The following SYNE2 variants were observed in gnomAD, a reference collection of about 807,000 sequenced individuals.
SYNE2 encodes nesprin-2.
Under a neutral mutation model 856.3 loss-of-function variants are expected in SYNE2, and 431 were observed. That is an observed-to-expected ratio of 0.50 (90% CI 0.47 to 0.55). The LOEUF is 0.55. SYNE2 is among the 20% of genes least tolerant of loss of function. The pLI, the probability that SYNE2 is intolerant of heterozygous loss-of-function variation, is 0.00. For synonymous variants in SYNE2, 2,923 were observed against 2,872.3 expected, an observed-to-expected ratio of 1.02 and a Z score of -0.56; for missense variants, 8,129 against 8,023.2, an observed-to-expected ratio of 1.01 and a Z score of -0.50.
At chr14:63,954,423 T>C (rs1365883104) in intron 7 of SYNE2, among the ~76,000 whole-genome samples, 1 of 152,244 alleles carries the variant, frequency 6.6e-6, no homozygotes, top group African/African-American at 2.4e-5. Context: ...CTCCAGAGTT[T>C]GATTCAGTAG....
intron 45 of SYNE2, among the ~76,000 whole-genome samples, chr14:64,047,193 G>T (rs1274077188): frequency 1.3e-5 from 2 of 152,214 alleles, no homozygotes; most frequent in African/African-American, 4.8e-5. Context: ...GAAGCTGGAG[G>T]GGGGATGGGA....
intron 1 of SYNE2, among the ~76,000 whole-genome samples, chr14:63,839,432 C>G (rs1194082723): frequency 6.6e-6 from 1 of 152,166 alleles, no homozygotes; most frequent in Non-Finnish European, 1.5e-5. Context: ...TTACCACCCC[C>G]CACGCCCATT....
chr14:64,222,757 T>G (rs931839142), intron 112 of SYNE2, among the ~76,000 whole-genome samples: 15 of 152,108 alleles, frequency 9.9e-5, no homozygotes, highest in African/African-American at 3.1e-4. Context: ...GCCACATGTG[T>G]CTAGTGGCCA....
chr14:63,984,037 T>C, intron 18 of SYNE2, 151 bp downstream of exon 18: 1 of 597,128 alleles, frequency 1.7e-6, no homozygotes, highest in Admixed American at 3.1e-5. Flanking sequence ...AACTCAGGAG[T>C]TCGAAATCAG....
intron 73 of SYNE2, among the ~76,000 whole-genome samples, chr14:64,127,803 A>G (rs1230749162): frequency 6.6e-6 from 1 of 152,222 alleles, no homozygotes; most frequent in Non-Finnish European, 1.5e-5. Context: ...GAATCCAAGT[A>G]AAACAGACAC....
chr14:64,060,746 G>A (rs1052481632), intron 49 of SYNE2, among the ~76,000 whole-genome samples: 1 of 152,064 alleles, frequency 6.6e-6, no homozygotes, highest in African/African-American at 2.4e-5. Context: ...CTGTGGTCTC[G>A]ACAACCTTTC....
chr14:63,830,086 T>A (rs1889612512), intron 1 of SYNE2, among the ~76,000 whole-genome samples: 1 of 152,130 alleles, frequency 6.6e-6, no homozygotes, highest in African/African-American at 2.4e-5. Flanking sequence ...TGGGTGAAAC[T>A]TGAAAACGTT....
intron 88 of SYNE2, among the ~76,000 whole-genome samples, chr14:64,163,140 A>C (rs1201862004): frequency 6.6e-6 from 1 of 152,220 alleles, no homozygotes; most frequent in Non-Finnish European, 1.5e-5. Flanking sequence ...GGTTGTCTCC[A>C]GTTTCTATAC....
At chr14:64,179,340 C>T (rs933687954) in intron 96 of SYNE2, among the ~76,000 whole-genome samples, 1 of 151,974 alleles carries the variant, frequency 6.6e-6, no homozygotes, top group Non-Finnish European at 1.5e-5. Flanking sequence ...TGTTTCGCCA[C>T]GTTGGCCAGG....
chr14:64,177,570 A>C (rs2098440697), intron 96 of SYNE2, 87 bp downstream of exon 96: 1 of 1,542,238 alleles, frequency 6.5e-7, no homozygotes, highest in Non-Finnish European at 9.0e-7. Context: ...TTCTGTATTG[A>C]AACTGAGTTT....
intron 1 of SYNE2, among the ~76,000 whole-genome samples, chr14:63,771,792 G>T (rs1361748162): frequency 6.6e-6 from 1 of 152,108 alleles, no homozygotes; most frequent in Non-Finnish European, 1.5e-5. Flanking sequence ...AGCTATTCAG[G>T]GGGCTGAGGC....
At chr14:64,048,292 C>T in intron 46 of SYNE2, 137 bp downstream of exon 46, 1 of 758,356 alleles carries the variant, frequency 1.3e-6, no homozygotes, top group Non-Finnish European at 2.1e-6. Flanking sequence ...AATTTGGTAA[C>T]TGTATAATTA....
chr14:64,224,764 C>T (rs929496541), intron 114 of SYNE2, among the ~76,000 whole-genome samples: 1 of 152,068 alleles, frequency 6.6e-6, no homozygotes, highest in African/African-American at 2.4e-5. Flanking sequence ...AAAGGGGTTC[C>T]CTGATTTTGC....
intron 57 of SYNE2, among the ~76,000 whole-genome samples, chr14:64,087,093 T>TAAAAAAAAA (rs56917782): frequency 1.0e-4 from 10 of 98,406 alleles, no homozygotes; most frequent in South Asian, 4.3e-4. Flanking sequence ...TGATAATTGG[T>TAAAAAAAAA]AAAAAAAAAA....
chr14:64,167,996 A>C (rs760134763), intron 92 of SYNE2, among the ~76,000 whole-genome samples: 1 of 152,224 alleles, frequency 6.6e-6, no homozygotes, highest in South Asian at 2.1e-4. Flanking sequence ...CATAGTATTA[A>C]AGCACCTGGT....
chr14:64,067,099 G>A (rs2153594953), intron 51 of SYNE2, among the ~76,000 whole-genome samples: 1 of 152,136 alleles, frequency 6.6e-6, no homozygotes, highest in African/African-American at 2.4e-5. Context: ...ACAATTATGT[G>A]TTATTAATTC....
chr14:63,821,951 G>A (rs1047085295), intron 1 of SYNE2, among the ~76,000 whole-genome samples: 2 of 152,162 alleles, frequency 1.3e-5, no homozygotes, highest in African/African-American at 4.8e-5. Context: ...AGCACTTTGG[G>A]AGGCTGAGGC....
At chr14:64,036,222 C>T (rs559142525) in intron 45 of SYNE2, among the ~76,000 whole-genome samples, 1 of 151,812 alleles carries the variant, frequency 6.6e-6, no homozygotes, top group African/African-American at 2.4e-5. Context: ...AATCACCTCC[C>T]CTATTCTAAG....
In SYNE2 at chr14:63,970,651, C is replaced by CTTTTTTTTTTTTTTTTTTTTTTTTTTT. The variant is rs61126600; in HGVS notation, c.1128+2825_1128+2826insTTTTTTTTTTTTTTTTTTTTTTTTTTT. Among the ~76,000 whole-genome samples the CTTTTTTTTTTTTTTTTTTTTTTTTTTT allele has an allele frequency of 9.8e-4, 97 of 98,868 alleles. 1 individual carries two copies. Among genetic ancestry groups the CTTTTTTTTTTTTTTTTTTTTTTTTTTT allele is most frequent in the African/African-American group, 1.2e-3 (27 of 23,116 alleles). The allele number at this position is 98,868 out of a possible 152,430, so 64.9% of individuals were successfully genotyped here. A position where few individuals can be genotyped will look rare whatever the true frequency, so the allele number is the denominator to read the frequency against. On this transcript the variant is annotated intron_variant, in intron 11 of 115. Transcript: ENST00000555002. Reference sequence around the variant, plus strand: ...TTCTGTCTTTTTTCTTTTCTTTTTTCTTTTTTTTTTTTTTTTTTTTGAGAT... The same window carrying CTTTTTTTTTTTTTTTTTTTTTTTTTTT: ...TTCTGTCTTTTTTCTTTTCTTTTTTCTTTTTTTTTTTTTTTTTTTTTTTTTTTTTTTTTTTTTTTTTTTTTTTGAGAT...
Sources: allele counts gnomAD v4.1 joint callset (sites outside exome capture counted in the v4.1 genomes callset), GRCh38; gene constraint gnomAD v4.1.1; transcripts MANE v1.5; gene names NCBI Gene and HGNC (gene_info 2026-07-23, HGNC 2026-07-21).